The following DPP10 variants were observed in gnomAD, a reference collection of about 807,000 sequenced individuals.
The protein encoded by DPP10 is dipeptidyl peptidase like 10.
DPP10 carries 33 observed loss-of-function variants against 120.9 expected under a neutral mutation model. The ratio of observed to expected loss-of-function variants is 0.27; its 90% confidence interval spans 0.21 to 0.37. DPP10 has a LOEUF of 0.37. Ranked by LOEUF, DPP10 falls within the 10% of genes least tolerant of loss-of-function variation. DPP10 has a pLI of 1.00. For synonymous variants in DPP10, 337 were observed against 326.1 expected (o/e 1.03, Z -0.36); for missense variants, 816 against 942.8 (o/e 0.87, Z 1.76).
At chr2:115,272,501 A>C (rs2059740238) in intron 1 of DPP10, among the ~76,000 whole-genome samples, 1 of 152,254 alleles carries the variant, frequency 6.6e-6, no homozygotes, top group Non-Finnish European at 1.5e-5. Flanking sequence ...AAGAAAATAG[A>C]ATCAAGATTA....
At chr2:115,129,420 A>G (rs2050230411) in intron 1 of DPP10, among the ~76,000 whole-genome samples, 3 of 152,138 alleles carry the variant, frequency 2.0e-5, no homozygotes, top group Admixed American at 2.0e-4. Flanking sequence ...TTTCCGAAGC[A>G]CTTATTTGTC....
chr2:114,886,641 T>A (rs1692095391), intron 1 of DPP10, among the ~76,000 whole-genome samples: 1 of 152,246 alleles, frequency 6.6e-6, no homozygotes, highest in Non-Finnish European at 1.5e-5. Flanking sequence ...TAGCATCTGC[T>A]CTTTCATTTT....
chr2:115,031,547 A>G (rs1224125068), intron 1 of DPP10, among the ~76,000 whole-genome samples: 1 of 152,196 alleles, frequency 6.6e-6, no homozygotes, highest in African/African-American at 2.4e-5. Flanking sequence ...CTGCATGCAG[A>G]TTGAATATTA....
chr2:114,841,210 A>G (rs1406610122), intron 1 of DPP10, among the ~76,000 whole-genome samples: 2 of 152,218 alleles, frequency 1.3e-5, no homozygotes, highest in Non-Finnish European at 2.9e-5. Flanking sequence ...TGACTAAATT[A>G]AAGTCCTAAT....
chr2:115,769,854 T>C (rs1023387031), intron 13 of DPP10, among the ~76,000 whole-genome samples: 3 of 152,064 alleles, frequency 2.0e-5, no homozygotes, highest in African/African-American at 7.2e-5. Flanking sequence ...ATTAGAGAAC[T>C]ATTTTGGCCC....
chr2:115,062,012 C>T (rs1027905080), intron 1 of DPP10, among the ~76,000 whole-genome samples: 4 of 150,352 alleles, frequency 2.7e-5, no homozygotes, highest in African/African-American at 9.8e-5. Context: ...AATGTGGACT[C>T]AATTTTCAGT....
intron 1 of DPP10, among the ~76,000 whole-genome samples, chr2:114,714,501 C>G (rs574552955): frequency 6.6e-6 from 1 of 152,186 alleles, no homozygotes; most frequent in Admixed American, 6.5e-5. Flanking sequence ...GTGAGTGATT[C>G]AGTCACACTG....
chr2:114,910,604 T>C (rs1694297246), intron 1 of DPP10, among the ~76,000 whole-genome samples: 1 of 152,118 alleles, frequency 6.6e-6, no homozygotes, highest in African/African-American at 2.4e-5. Flanking sequence ...ATTGGCCTTA[T>C]TTTGTGCCTA....
intron 1 of DPP10, among the ~76,000 whole-genome samples, chr2:114,533,121 G>T (rs140326017): frequency 1.3e-5 from 2 of 152,178 alleles, no homozygotes; most frequent in Non-Finnish European, 2.9e-5. Flanking sequence ...AAGTTGGTAT[G>T]AGGTGTATGT....
chr2:114,785,637 G>A (rs556739488), intron 1 of DPP10, among the ~76,000 whole-genome samples: 3 of 152,140 alleles, frequency 2.0e-5, no homozygotes, highest in Non-Finnish European at 2.9e-5. Flanking sequence ...ATGCTCAGGA[G>A]TTTCACTGAA....
At chr2:114,450,887 C>T (rs553823539) in intron 1 of DPP10, among the ~76,000 whole-genome samples, 2 of 152,044 alleles carry the variant, frequency 1.3e-5, no homozygotes, top group Non-Finnish European at 2.9e-5. Context: ...TTCAGGGGGA[C>T]TGTTTGTTCT....
chr2:114,578,344 C>T (rs530244418), intron 1 of DPP10, among the ~76,000 whole-genome samples: 1 of 152,266 alleles, frequency 6.6e-6, no homozygotes, highest in Admixed American at 6.5e-5. Flanking sequence ...AGTTTTATTG[C>T]TATTACCATG....
intron 1 of DPP10, among the ~76,000 whole-genome samples, chr2:115,005,160 C>G (rs922832467): frequency 1.3e-5 from 2 of 151,998 alleles, no homozygotes; most frequent in East Asian, 1.9e-4. Context: ...TGAGGGTCCT[C>G]TCTCTTAGAA....
chr2:114,943,508 A>G (rs978094601), intron 1 of DPP10, among the ~76,000 whole-genome samples: 3 of 152,066 alleles, frequency 2.0e-5, no homozygotes, highest in East Asian at 1.9e-4. Context: ...TCCTGACCTC[A>G]TGATCCACCT....
At chr2:115,410,465 C>T (rs1253608781) in intron 3 of DPP10, among the ~76,000 whole-genome samples, 1 of 152,150 alleles carries the variant, frequency 6.6e-6, no homozygotes, top group Admixed American at 6.5e-5. Flanking sequence ...ACAACACACA[C>T]TGGGGCCTGT....
intron 21 of DPP10, among the ~76,000 whole-genome samples, chr2:115,834,623 T>C (rs1689260631): frequency 6.6e-6 from 1 of 152,088 alleles, no homozygotes. Flanking sequence ...TTCAAGAGGG[T>C]ATTCAAAATT....
chr2:115,160,049 A>T (rs1310300557), intron 1 of DPP10, among the ~76,000 whole-genome samples: 1 of 152,222 alleles, frequency 6.6e-6, no homozygotes, highest in African/African-American at 2.4e-5. Context: ...AATAATGCAG[A>T]TGCCCTCCCT....
At chr2:114,496,871 A>C (rs919998058) in intron 1 of DPP10, among the ~76,000 whole-genome samples, 7 of 151,978 alleles carry the variant, frequency 4.6e-5, no homozygotes, top group Non-Finnish European at 7.4e-5. Context: ...AACTGGAAGA[A>C]ACAAGTCCTT....
chr2:114,672,236 C>G (rs1483942112), intron 1 of DPP10, among the ~76,000 whole-genome samples: 1 of 151,250 alleles, frequency 6.6e-6, no homozygotes, highest in African/African-American at 2.4e-5. Flanking sequence ...TTAATACAGT[C>G]TAAGATTTCT....
Sources: allele counts gnomAD v4.1 joint callset (sites outside exome capture counted in the v4.1 genomes callset), GRCh38; gene constraint gnomAD v4.1.1; transcripts MANE v1.5; gene names NCBI Gene and HGNC (gene_info 2026-07-23, HGNC 2026-07-21).